Variants in SLC10A1 observed in about 807,000 individuals in gnomAD.
The protein encoded by SLC10A1 is hepatic sodium/bile acid cotransporter.
In SLC10A1, 36 loss-of-function variants were observed where a neutral mutation model predicts 20.5. That is an observed-to-expected ratio of 1.75 (90% CI 1.34 to 2.32). The LOEUF (loss-of-function observed/expected upper bound fraction) is 2.32, where lower values mean the gene tolerates loss of function less well. Ranked by LOEUF, SLC10A1 falls within the 30% of genes most tolerant of loss-of-function variation. SLC10A1 has a pLI of 0.00. For missense variants in SLC10A1, 545 were observed against 439.1 expected (o/e 1.24, Z -2.16); for synonymous variants, 188 against 163.6 (o/e 1.15, Z -1.14).
chr14:69,786,810 CA>C (rs1883727004), intron 1 of SLC10A1, among the ~76,000 whole-genome samples: 1 of 152,302 alleles, frequency 6.6e-6, no homozygotes, highest in South Asian at 2.1e-4. Context: ...CCAACGGAGA[CA>C]ATAACAATTA....
intron 1 of SLC10A1, among the ~76,000 whole-genome samples, chr14:69,790,158 G>C (rs1220356099): frequency 6.6e-6 from 1 of 152,072 alleles, no homozygotes; most frequent in Non-Finnish European, 1.5e-5. Context: ...CCGAAAACCT[G>C]ATTCAACTTA....
At chr14:69,786,505 G>T (rs936439545) in intron 1 of SLC10A1, among the ~76,000 whole-genome samples, 198 bp from the exon 2 acceptor site, 1 of 152,168 alleles carries the variant, frequency 6.6e-6, no homozygotes, top group African/African-American at 2.4e-5. Flanking sequence ...GTTGTGTCCT[G>T]CTCAAAGTCG....
intron 2 of SLC10A1, among the ~76,000 whole-genome samples, chr14:69,781,242 A>G (rs147783366): frequency 2.1e-3 from 318 of 152,278 alleles, no homozygotes; most frequent in African/African-American, 7.4e-3. Context: ...ATCTCTGGAA[A>G]TTTATCCTGT....
intron 2 of SLC10A1, among the ~76,000 whole-genome samples, chr14:69,780,163 C>T (rs1333161502): frequency 6.6e-6 from 1 of 152,192 alleles, no homozygotes; most frequent in African/African-American, 2.4e-5. Flanking sequence ...TCAGAAATAT[C>T]TTGGGTGATA....
chr14:69,786,201 G>T lies in SLC10A1; in HGVS notation c.463C>A (p.Pro155Thr). ...AGTGATATCACGATGCCTTTATAGG[G>T]CACCTTGTCCTTCAGGTCCCCATCA... ...IYDGDLKDKV[P>T]YKGIVISLVL... Residue 155 changes from proline (P) to threonine (T), a missense_variant, in exon 2 of 5, where the codon CCC (proline) becomes ACC (threonine). Physicochemically the swap from Pro to Thr is conservative, Grantham distance 38. Coordinates refer to ENST00000216540, the MANE Select transcript of SLC10A1 (RefSeq NM_003049.4). The T allele has an allele frequency of 6.2e-7, 1 of 1,613,970 alleles. No homozygotes were observed. Among genetic ancestry groups the T allele is most frequent in the Non-Finnish European group, 8.5e-7 (1 of 1,179,916 alleles).
chr14:69,787,004 G>A (rs1883733158), intron 1 of SLC10A1, among the ~76,000 whole-genome samples: 1 of 152,172 alleles, frequency 6.6e-6, no homozygotes, highest in African/African-American at 2.4e-5. Context: ...GAAGCAGTAA[G>A]AAACAGAATA....
chr14:69,777,541 A>G (rs1883473163), intron 4 of SLC10A1, among the ~76,000 whole-genome samples: 2 of 144,546 alleles, frequency 1.4e-5, no homozygotes, highest in South Asian at 4.5e-4. Flanking sequence ...GTTGAGAGTT[A>G]TAATGAAATG....
chr14:69,785,042 G>A (rs1371008564), intron 2 of SLC10A1, among the ~76,000 whole-genome samples: 3 of 152,206 alleles, frequency 2.0e-5, no homozygotes, highest in Non-Finnish European at 4.4e-5. Flanking sequence ...AGCACGCCTT[G>A]CAGACCAGGC....
In SLC10A1 at chr14:69,779,253, G is replaced by A. The variant is rs1883529338; in HGVS notation, c.675C>T (p.Thr225=). ...MFAMTPLLIA[T]SSLMPFIGFL... ...AGCCAATAAAAGGCATCAGGGAGGA[G>A]GTGGCAATCAAGAGTGGTGTCATGG... The change falls in exon 3 of 5, where the codon ACC becomes ACT. Residue 225 remains threonine, a synonymous_variant. Transcript: ENST00000216540. 2.5e-6 allele frequency: 4 copies of A among 1,613,912 alleles called. No individual in the cohort carries two copies. The highest frequency in any genetic ancestry group is 1.6e-4 in the Middle Eastern group (1 of 6,084).
At chr14:69,781,261 CCT>C (rs764880552) in intron 2 of SLC10A1, among the ~76,000 whole-genome samples, 3 of 152,240 alleles carry the variant, frequency 2.0e-5, no homozygotes, top group Non-Finnish European at 4.4e-5. Context: ...GTCTACAACC[CCT>C]GTCTCCTGCT....
intron 4 of SLC10A1, among the ~76,000 whole-genome samples, chr14:69,777,604 TTA>T (rs1201934152): frequency 0.043 from 4,075 of 95,790 alleles, 359 homozygotes; most frequent in African/African-American, 0.19. Flanking sequence ...TTTTTTTTTT[TTA>T]AAATTGGTGT....
At chr14:69,781,289 G>A (rs4646290) in intron 2 of SLC10A1, among the ~76,000 whole-genome samples, 1 of 152,162 alleles carries the variant, frequency 6.6e-6, no homozygotes, top group Non-Finnish European at 1.5e-5. Flanking sequence ...AAGTGGCCCC[G>A]GGTAGTTGCT....
At chr14:69,789,978 G>A (rs1209098350) in intron 1 of SLC10A1, among the ~76,000 whole-genome samples, 2 of 149,518 alleles carry the variant, frequency 1.3e-5, no homozygotes, top group African/African-American at 5.0e-5. Flanking sequence ...AGGCAGACCA[G>A]GGAAAAGAGA....
intron 1 of SLC10A1, among the ~76,000 whole-genome samples, chr14:69,791,073 G>A (rs1000205022): frequency 2.6e-5 from 4 of 151,842 alleles, no homozygotes; most frequent in Non-Finnish European, 5.9e-5. Context: ...AGATCTTTAT[G>A]AAAGAAATTA....
chr14:69,776,434 A>G (rs1466762556), intron 4 of SLC10A1, 46 bp from the exon 5 acceptor site: 1 of 1,442,686 alleles, frequency 6.9e-7, no homozygotes, highest in Admixed American at 1.7e-5. Context: ...GAACAAGAGG[A>G]GTGAACAATG....
At chr14:69,780,439 A>G (rs527325781) in intron 2 of SLC10A1, among the ~76,000 whole-genome samples, 1 of 152,194 alleles carries the variant, frequency 6.6e-6, no homozygotes, top group African/African-American at 2.4e-5. Flanking sequence ...GTGTTGGTTC[A>G]TTTTTTGGTT....
At chr14:69,781,926 T>TG (rs973041850) in intron 2 of SLC10A1, among the ~76,000 whole-genome samples, 3 of 152,192 alleles carry the variant, frequency 2.0e-5, no homozygotes, top group Middle Eastern at 3.2e-3. Context: ...TATTGAAAGT[T>TG]GGGTTATTTT....
Position 69,778,336 on chromosome 14 carries a change from T to G in SLC10A1, c.940A>C (p.Lys314Gln). ...TGGGGATAATTTCAGTACTCACCCTTGGGAGTCTTGAATTTCTCATAGCAC... is the reference window on the plus strand; with the variant it reads ...TGGGGATAATTTCAGTACTCACCCTGGGGAGTCTTGAATTTCTCATAGCAC... ...FWCYEKFKTP[K>Q]DKTKMIYTAA... is the part of the protein sequence containing the mutation. The change falls in exon 4 of 5, where the codon AAG becomes CAG. Residue 314 changes from lysine (K) to glutamine (Q), a missense_variant. Physicochemically the swap from Lys to Gln is moderately conservative, Grantham distance 53. Transcript: ENST00000216540. 3.1e-6 allele frequency: 5 copies of G among 1,601,118 alleles called. No homozygotes were observed. The highest frequency in any genetic ancestry group is 4.3e-6 in the Non-Finnish European group (5 of 1,173,348).
chr14:69,791,757 G>A (rs1032204718), intron 1 of SLC10A1, among the ~76,000 whole-genome samples: 1 of 152,148 alleles, frequency 6.6e-6, no homozygotes, highest in Non-Finnish European at 1.5e-5. Context: ...TGAGAGAGAT[G>A]TCATTACAAA....
Sources: gnomAD v4.1 joint callset for allele counts (sites outside exome capture counted in the v4.1 genomes callset) on GRCh38, gnomAD v4.1.1 for gene constraint, MANE v1.5 for transcripts, NCBI Gene and HGNC (gene_info 2026-07-23, HGNC 2026-07-21) for gene names.